The following RUNX1 variants were observed in gnomAD, a reference collection of about 807,000 sequenced individuals.
The protein encoded by RUNX1 is RUNX family transcription factor 1.
In RUNX1, 19 loss-of-function variants were observed where a neutral mutation model predicts 42.8. That is an observed-to-expected ratio of 0.44 (90% CI 0.31 to 0.65). RUNX1 has a LOEUF of 0.65. Among genes scored for constraint, RUNX1 ranks in the 30% least tolerant of loss-of-function variants. RUNX1 has a pLI of 0.07. For synonymous variants in RUNX1, 271 were observed against 289.4 expected (o/e 0.94, Z 0.64); for missense variants, 528 against 672.0 (o/e 0.79, Z 2.37).
chr21:35,011,742 G>A (rs1403751161), intron 2 of RUNX1, among the ~76,000 whole-genome samples: 1 of 152,172 alleles, frequency 6.6e-6, no homozygotes, highest in Non-Finnish European at 1.5e-5. Flanking sequence ...AAGAATTCTT[G>A]CTAATTACCA....
At chr21:34,851,832 T>C (rs1022638859) in intron 6 of RUNX1, among the ~76,000 whole-genome samples, 2 of 152,192 alleles carry the variant, frequency 1.3e-5, no homozygotes, top group Non-Finnish European at 2.9e-5. Context: ...GGAACTCTTA[T>C]TTTGTTTTCT....
At chr21:34,900,737 G>A (rs924453110) in intron 2 of RUNX1, among the ~76,000 whole-genome samples, 2 of 152,072 alleles carry the variant, frequency 1.3e-5, no homozygotes, top group South Asian at 2.1e-4. Context: ...CCTTGAGCTC[G>A]GAAACAATAT....
chr21:34,890,298 C>A (rs1294726347), intron 3 of RUNX1, among the ~76,000 whole-genome samples: 1 of 152,022 alleles, frequency 6.6e-6, no homozygotes, highest in Non-Finnish European at 1.5e-5. Context: ...CGGCCCGCCT[C>A]GTGGCCTTCG....
At chr21:34,930,270 G>GTGTGTGTGTGTATATA (rs372412304) in intron 2 of RUNX1, among the ~76,000 whole-genome samples, 1 of 123,038 alleles carries the variant, frequency 8.1e-6, no homozygotes, top group East Asian at 2.2e-4. Flanking sequence ...GTGTGTGTAT[G>GTGTGTGTGTGTATATA]TATATATATA....
intron 2 of RUNX1, among the ~76,000 whole-genome samples, chr21:35,025,731 G>A (rs1338626407): frequency 6.6e-6 from 1 of 152,138 alleles, no homozygotes. Context: ...ATAGGAATGG[G>A]AAGACAGCCT....
intron 2 of RUNX1, among the ~76,000 whole-genome samples, chr21:34,928,964 G>GT (rs2058419000): frequency 2.5e-5 from 3 of 119,362 alleles, no homozygotes; most frequent in Admixed American, 8.2e-5. Context: ...TTTTTTTTGG[G>GT]GGGGGGGGTA....
At position 34,790,300 on chromosome 21, in the gene RUNX1, A is replaced by T. The variant is rs1016333890; in HGVS notation, c.*1835T>A. 1.3e-5 allele frequency: 3 copies of T among 233,518 alleles called. No homozygotes were observed. Among genetic ancestry groups the T allele is most frequent in the East Asian group, 1.2e-4 (2 of 16,554 alleles). 14.5% of individuals were successfully genotyped at this position (233,518 alleles called of 1,614,324 possible). A position where few individuals can be genotyped will look rare whatever the true frequency, so the allele number is the denominator to read the frequency against. Reference sequence around the variant, plus strand: ...CTGTTTTTGCTGCCTGCAGCCAAAGATTTGCCTAATTTGAATGCTTAAATT... The same window carrying T: ...CTGTTTTTGCTGCCTGCAGCCAAAGTTTTGCCTAATTTGAATGCTTAAATT... On this transcript the variant is annotated 3_prime_UTR_variant, in exon 9 of 9. Coordinates refer to ENST00000675419, the MANE Select transcript of RUNX1 (RefSeq NM_001754.5).
intron 6 of RUNX1, among the ~76,000 whole-genome samples, chr21:34,854,441 C>T (rs186758634): frequency 6.7e-4 from 102 of 151,912 alleles, no homozygotes; most frequent in Middle Eastern, 3.4e-3. Context: ...AAAAATTAGC[C>T]GGGCATGGTG....
At chr21:35,047,242 A>G (rs150094532) in intron 2 of RUNX1, among the ~76,000 whole-genome samples, 74 of 152,196 alleles carry the variant, frequency 4.9e-4, no homozygotes, top group African/African-American at 1.7e-3. Flanking sequence ...CTGTTATTCT[A>G]TACAAATATT....
intron 5 of RUNX1, among the ~76,000 whole-genome samples, chr21:34,863,881 G>A (rs987176134): frequency 2.6e-5 from 4 of 152,102 alleles, no homozygotes; most frequent in African/African-American, 4.8e-5. Flanking sequence ...TAGGTGGGGC[G>A]TTTTGGCCAG....
chr21:34,915,529 A>G (rs1418120581), intron 2 of RUNX1, among the ~76,000 whole-genome samples: 2 of 152,218 alleles, frequency 1.3e-5, no homozygotes, highest in South Asian at 2.1e-4. Context: ...AATTGCAGAG[A>G]ATGGTTGTTT....
intron 2 of RUNX1, among the ~76,000 whole-genome samples, chr21:34,909,593 A>AAAAAAAAAAAAAAAAC (rs2058255389): frequency 6.7e-6 from 1 of 150,346 alleles, no homozygotes; most frequent in African/African-American, 2.5e-5. Flanking sequence ...TTCCTCAAAA[A>AAAAAAAAAAAAAAAAC]AAAAAAAAAA....
chr21:35,028,914 G>C (rs2059254824), intron 2 of RUNX1, among the ~76,000 whole-genome samples: 1 of 152,192 alleles, frequency 6.6e-6, no homozygotes, highest in African/African-American at 2.4e-5. Flanking sequence ...AGTCATCAAA[G>C]ACACAGAGGA....
At chr21:34,876,231 T>C (rs1173313215) in intron 5 of RUNX1, among the ~76,000 whole-genome samples, 1 of 152,210 alleles carries the variant, frequency 6.6e-6, no homozygotes, top group Non-Finnish European at 1.5e-5. Flanking sequence ...TATGTGGGCA[T>C]ACCTGATGGC....
intron 2 of RUNX1, among the ~76,000 whole-genome samples, chr21:35,008,953 A>G (rs34937724): frequency 0.17 from 26,100 of 152,196 alleles, 2,586 homozygotes; most frequent in African/African-American, 0.26. Flanking sequence ...ACAACAAAAA[A>G]CGGAGCCCAC....
At chr21:35,047,514 AAC>A (rs145398828) in intron 2 of RUNX1, among the ~76,000 whole-genome samples, 2,397 of 70,428 alleles carry the variant, frequency 0.034, 86 homozygotes, top group Admixed American at 0.081. Context: ...TGCCATCTCC[AAC>A]ACACACACAC....
chr21:35,007,636 T>C (rs1318999423), intron 2 of RUNX1, among the ~76,000 whole-genome samples: 2 of 152,148 alleles, frequency 1.3e-5, no homozygotes, highest in Non-Finnish European at 2.9e-5. Flanking sequence ...TCATGTCACC[T>C]CTTGCTGGCC....
At chr21:34,864,594 C>T (rs1423144388) in intron 5 of RUNX1, among the ~76,000 whole-genome samples, 1 of 152,198 alleles carries the variant, frequency 6.6e-6, no homozygotes, top group Admixed American at 6.5e-5. Flanking sequence ...TGCTGGAAGT[C>T]GGCAGCTCTT....
intron 5 of RUNX1, among the ~76,000 whole-genome samples, chr21:34,863,521 T>A (rs575079680): frequency 1.3e-5 from 2 of 152,094 alleles, no homozygotes; most frequent in African/African-American, 4.8e-5. Flanking sequence ...GAATGGTCAT[T>A]ATCTGAATTC....
Sources: allele counts gnomAD v4.1 joint callset (sites outside exome capture counted in the v4.1 genomes callset), GRCh38; gene constraint gnomAD v4.1.1; transcripts MANE v1.5; gene names NCBI Gene and HGNC (gene_info 2026-07-23, HGNC 2026-07-21).